The following POLD1 variants were observed in gnomAD, a reference collection of about 807,000 sequenced individuals.
POLD1 encodes DNA polymerase delta 1, catalytic subunit.
A neutral mutation model predicts 129.7 loss-of-function variants in POLD1; 79 were observed. That is an observed-to-expected ratio of 0.61 (90% CI 0.51 to 0.73). POLD1 has a LOEUF of 0.73. Ranked by LOEUF, POLD1 falls within the 30% of genes least tolerant of loss-of-function variation. The pLI is 0.00. For synonymous variants in POLD1, 714 were observed against 683.3 expected (o/e 1.04, Z -0.70); for missense variants, 1,338 against 1,595.8 (o/e 0.84, Z 2.75).
Position 50,417,070 on chromosome 19 carries a change from C to A in POLD1, c.3093C>A (p.Pro1031=). 2 of 1,553,742 alleles carry A rather than the reference C, an allele frequency of 1.3e-6. No individual in the cohort carries two copies. Among genetic ancestry groups the A allele is most frequent in the Non-Finnish European group, 8.7e-7 (1 of 1,148,236 alleles). ...HQGAVCEFCQ[P]RESELYQKEV... ...GAGCCGTGTGTGAGTTCTGCCAGCC[C>A]CGGGAGTCTGAGCTGTATCAGAAGG... Residue 1031 remains proline (P), a synonymous_variant, in exon 25 of 27, where the codon CCC becomes CCA. Transcript: ENST00000440232.
chr19:50,406,190 A>T lies in POLD1; in HGVS notation c.1251A>T (p.Thr417=), dbSNP rs1601215170. Reference sequence around the variant, plus strand: ...CTGCCTCTCCTCCTCAGGTACAAACATTCCCTTTCCTGGGCCGTGTGGCCG... The same window carrying T: ...CTGCCTCTCCTCCTCAGGTACAAACTTTCCCTTTCCTGGGCCGTGTGGCCG... The part of the protein sequence containing the change: ...ISRAQTLKVQ[T]FPFLGRVAGL... Residue 417 remains threonine (T), a synonymous_variant, in exon 11 of 27, where the codon ACA becomes ACT. Transcript: ENST00000440232. The surrounding 1 kb of genome is among the most constrained non-coding windows in gnomAD (Gnocchi z 5.5). The T allele has an allele frequency of 1.9e-6, 3 of 1,613,328 alleles. No homozygotes were observed. In the East Asian group the frequency reaches 6.7e-5, roughly 36 times the overall value.
At chr19:50,416,328 T>C (rs1297219686) in intron 22 of POLD1, 68 bp from the exon 23 acceptor site, 32 of 1,517,146 alleles carry the variant, frequency 2.1e-5, no homozygotes, top group Non-Finnish European at 2.8e-5. Flanking sequence ...CCAGGCCCCA[T>C]GACCACCCCG....
At chr19:50,395,349 ACTTC>A (rs368045677) in intron 1 of POLD1, among the ~76,000 whole-genome samples, 70 of 152,028 alleles carry the variant, frequency 4.6e-4, no homozygotes, top group African/African-American at 1.5e-3. Context: ...TAATCCCAGC[ACTTC>A]GGGAGGCCGA....
chr19:50,416,619 A>G lies in POLD1; in HGVS notation c.2963A>G (p.His988Arg), dbSNP rs1201712670. 1 of 1,562,614 alleles carries G rather than the reference A, an allele frequency of 6.4e-7. No individual in the cohort carries two copies. The highest frequency in any genetic ancestry group is 1.2e-5 in the South Asian group (1 of 85,406). The part of the protein sequence containing the change: ...RAEAVLLRGD[H>R]TRCKTVLTGK... ...GCCTCCTCTCCTGCAGGGGGGGACC[A>G]CACGCGCTGCAAGACGGTGCTCACG... The change falls in exon 24 of 27, where the codon CAC (histidine) becomes CGC (arginine). Residue 988 changes from histidine to arginine, a missense_variant. His to Arg is a conservative substitution (Grantham distance 29, BLOSUM62 0). Transcript: ENST00000440232.
Position 50,406,520 on chromosome 19 carries a change from G to A in POLD1, c.1494+3G>A, listed in dbSNP as rs749556778. ...ACAGCATCATCACCGACCTGCAGGT[G>A]CCTGCTGCCTCCCTGACCTCTCACC... On this transcript the variant is annotated splice_donor_region_variant and intron_variant, in intron 12 of 26. Coordinates refer to ENST00000440232, the MANE Select transcript of POLD1 (RefSeq NM_002691.4). This position sits in a 1 kb window ranked among gnomAD's most constrained non-coding sequence, Gnocchi z 5.5. The A allele has an allele frequency of 2.0e-5, 31 of 1,564,330 alleles. No individual in the cohort carries two copies. The South Asian group carries it at 3.5e-4, about 18-fold the overall frequency.
intron 26 of POLD1, among the ~76,000 whole-genome samples, 192 bp from the exon 27 acceptor site, chr19:50,417,650 C>T (rs2122515438): frequency 6.6e-6 from 1 of 151,744 alleles, no homozygotes; most frequent in East Asian, 1.9e-4. Flanking sequence ...TGCACCTCGC[C>T]AGGCACCCGC....
intron 17 of POLD1, among the ~76,000 whole-genome samples, chr19:50,411,532 G>A (rs559017132): frequency 2.0e-5 from 3 of 152,308 alleles, no homozygotes; most frequent in Middle Eastern, 3.4e-3. Flanking sequence ...GGGAGCAAGA[G>A]GTGGAATAAT....
Position 50,406,306 on chromosome 19 carries a change from A to T in POLD1, c.1367A>T (p.Gln456Leu), listed in dbSNP as rs1157114471. The T allele has an allele frequency of 3.1e-6, 5 of 1,613,894 alleles. No homozygotes were observed. The African/African-American group carries it at 6.7e-5, about 22-fold the overall frequency. Residue 456 changes from glutamine to leucine, a missense_variant, in exon 11 of 27, where the codon CAG becomes CTG. Gln to Leu is a moderately radical substitution (Grantham distance 113, BLOSUM62 -2). This residue lies in a region of POLD1 where 720 missense variants were observed against 1,002.6 expected (regional missense o/e 0.72). Coordinates refer to ENST00000440232, the MANE Select transcript of POLD1 (RefSeq NM_002691.4). The surrounding 1 kb of genome is among the most constrained non-coding windows in gnomAD (Gnocchi z 5.5). ...TKVVSMVGRV[Q>L]MDMLQVLLRE... ...GTTGTCAGCATGGTGGGCCGCGTGCAGATGGACATGCTGCAGGTATGGGCG... is the reference window on the plus strand; with the variant it reads ...GTTGTCAGCATGGTGGGCCGCGTGCTGATGGACATGCTGCAGGTATGGGCG...
chr19:50,408,953 T>C, intron 15 of POLD1, 52 bp downstream of exon 15: 1 of 1,541,456 alleles, frequency 6.5e-7, no homozygotes, highest in South Asian at 1.2e-5. Context: ...GGGCCTTCCC[T>C]TGGGGGGCTC....
chr19:50,399,378 C>CCT lies in POLD1; in HGVS notation c.211_212insTC (p.Pro71LeufsTer6). The CCT allele has an allele frequency of 6.2e-7, 1 of 1,613,004 alleles. No individual in the cohort carries two copies. The highest frequency in any genetic ancestry group is 8.5e-7 in the Non-Finnish European group (1 of 1,178,958). Reference sequence around the variant, plus strand: ...CTTCCCTTCCCCCACCAGGGCAGGTCCCACCATCAGCCATAGATCCTCGCT... The same window carrying CCT: ...CTTCCCTTCCCCCACCAGGGCAGGTCCTCCACCATCAGCCATAGATCCTCGCT... On this transcript the variant is annotated frameshift_variant, in exon 3 of 27. Transcript: ENST00000440232. LOFTEE classifies it high-confidence loss of function.
chr19:50,415,442 C>A lies in POLD1; in HGVS notation c.2569C>A (p.Pro857Thr). The A allele has an allele frequency of 1.2e-6, 2 of 1,612,424 alleles. No homozygotes were observed. Among genetic ancestry groups the A allele is most frequent in the Non-Finnish European group, 1.7e-6 (2 of 1,179,678 alleles). Residue 857 changes from proline (P) to threonine (T), a missense_variant, in exon 21 of 27, where the codon CCT (proline) becomes ACT (threonine). By Grantham distance (38) the Pro-to-Thr change is conservative (BLOSUM62 -1). Transcript: ENST00000440232. ...GTGCGGCCCGCTCTCCTACAGAGAC[C>A]CTGAGGGCGCGGTGGCTCACGCACA... Reference protein sequence around the residue: ...SLRRLLIDRDPEGAVAHAQDV... With the variant: ...SLRRLLIDRDTEGAVAHAQDV...
At chr19:50,401,976 T>G in intron 4 of POLD1, 23 bp from the exon 5 acceptor site, 1 of 1,613,912 alleles carries the variant, frequency 6.2e-7, no homozygotes, top group Non-Finnish European at 8.5e-7. Flanking sequence ...CCCCTGCACC[T>G]CTGATCATCC....
Position 50,417,881 on chromosome 19 carries a change from G to C in POLD1, c.3258G>C (p.Arg1086=), listed in dbSNP as rs776167760. 6.2e-7 allele frequency: 1 copy of C among 1,611,250 alleles called. No homozygotes were observed. The highest frequency in any genetic ancestry group is 8.5e-7 in the Non-Finnish European group (1 of 1,178,934). Residue 1086 remains arginine (R), a synonymous_variant, in exon 27 of 27, where the codon CGG becomes CGC. Transcript: ENST00000440232. ...TCTTCTACATGCGCAAGAAGGTGCG[G>C]AAGGACCTGGAAGACCAGGAGCAGC... The part of the protein sequence containing the change: ...CPIFYMRKKV[R]KDLEDQEQLL...
At chr19:50,405,064 CTATTTT>C (rs2038825589) in intron 10 of POLD1, among the ~76,000 whole-genome samples, 1 of 152,086 alleles carries the variant, frequency 6.6e-6, no homozygotes, top group South Asian at 2.1e-4. Context: ...CGCGCCTGGC[CTATTTT>C]TGTTTTTGTT....
intron 1 of POLD1, among the ~76,000 whole-genome samples, chr19:50,389,732 A>G (rs971269356): frequency 2.7e-5 from 4 of 149,990 alleles, no homozygotes; most frequent in Non-Finnish European, 5.9e-5. Context: ...AATTACAGGC[A>G]TGCACCACCA....
intron 2 of POLD1, 128 bp downstream of exon 2, chr19:50,399,181 G>A: frequency 7.2e-7 from 1 of 1,395,924 alleles, no homozygotes. Context: ...ACAAAGGACT[G>A]CCCTTCCACC....
At position 50,413,528 on chromosome 19, in the gene POLD1, G is replaced by A. The variant is rs775363857; in HGVS notation, c.2250+7G>A. ...CTACAGCACCAGTGCCAAGGTCGGG[G>A]GCTGCCCACCGCTGCCCTGAGATGG... On this transcript the variant is annotated splice_region_variant and intron_variant, in intron 18 of 26. Coordinates refer to ENST00000440232, the MANE Select transcript of POLD1 (RefSeq NM_002691.4). 31 of 1,602,136 alleles carry A rather than the reference G, an allele frequency of 1.9e-5. No homozygotes were observed. The highest frequency in any genetic ancestry group is 1.5e-4 in the Admixed American group (9 of 58,312).
At chr19:50,386,974 T>C (rs918345787) in intron 1 of POLD1, among the ~76,000 whole-genome samples, 5 of 149,062 alleles carry the variant, frequency 3.4e-5, no homozygotes, top group Admixed American at 2.7e-4. Flanking sequence ...GGGCAGATCA[T>C]GAGGTCAGGA....
rs976291338 is a variant in POLD1, at chr19:50,407,620, G to A, written c.1775+205G>A. 1.1e-4 allele frequency among the ~76,000 whole-genome samples: 17 copies of A among 150,824 alleles called. 1 individual carries two copies. The South Asian group carries it at 2.7e-3, about 24-fold the overall frequency. On this transcript the variant is annotated intron_variant, in intron 14 of 26. Transcript: ENST00000440232. ...GTCACCCAGGCTGGAGTGCAGTGGC[G>A]CAATCTCAGCTCACTGCAAGCTTTG...
Sources: allele counts gnomAD v4.1 joint callset (sites outside exome capture counted in the v4.1 genomes callset), GRCh38; gene constraint gnomAD v4.1.1; regional missense constraint gnomAD v4.1.1; non-coding constraint Gnocchi (gnomAD v3.1); transcripts MANE v1.5; gene names NCBI Gene and HGNC (gene_info 2026-07-23, HGNC 2026-07-21).